SFI1: variants seen among roughly 807,000 people sequenced by gnomAD.
SFI1 encodes protein SFI1 homolog.
Under a neutral mutation model 207.5 loss-of-function variants are expected in SFI1, and 195 were observed. The ratio of observed to expected loss-of-function variants is 0.94; its 90% CI spans 0.84 to 1.06. The LOEUF is 1.06. Among genes scored for constraint, SFI1 ranks in the 50% least tolerant of loss-of-function variants. The pLI is 0.00. For missense variants in SFI1, 1,634 were observed against 1,588.0 expected (o/e 1.03, Z -0.49); for synonymous variants, 630 against 598.9 (o/e 1.05, Z -0.76).
chr22:31,549,195 G>GA (rs1216583853), intron 5 of SFI1, among the ~76,000 whole-genome samples: 1 of 149,338 alleles, frequency 6.7e-6, no homozygotes, highest in Non-Finnish European at 1.5e-5. Flanking sequence ...GCCAAGGTGG[G>GA]AGGAGTACCT....
chr22:31,523,679 G>A (rs1265071949), intron 2 of SFI1, among the ~76,000 whole-genome samples: 1 of 152,002 alleles, frequency 6.6e-6, no homozygotes, highest in Non-Finnish European at 1.5e-5. Context: ...CTTCAAATCT[G>A]TGAAGTCCAT....
At chr22:31,560,981 G>T (rs1388618568) in intron 7 of SFI1, among the ~76,000 whole-genome samples, 1 of 152,120 alleles carries the variant, frequency 6.6e-6, no homozygotes, top group Non-Finnish European at 1.5e-5. Flanking sequence ...GTGATTACAG[G>T]TGTAAGCCAC....
chr22:31,501,857 G>A (rs995892527), intron 1 of SFI1, among the ~76,000 whole-genome samples: 1 of 152,174 alleles, frequency 6.6e-6, no homozygotes, highest in African/African-American at 2.4e-5. Flanking sequence ...CATTCCTCAT[G>A]CCTATGTGGG....
At position 31,602,857 on chromosome 22, in the gene SFI1, G is replaced by A. The variant is rs1423869338; in HGVS notation, c.1805+72G>A. The A allele has an allele frequency of 3.3e-6, 5 of 1,514,390 alleles. No homozygotes were observed. In the East Asian group the frequency reaches 9.1e-5, roughly 28 times the overall value. 93.8% of individuals were successfully genotyped at this position (1,514,390 alleles called of 1,614,324 possible). A position where few individuals can be genotyped will look rare whatever the true frequency, so the allele number is the denominator to read the frequency against. ...TTTGCTTGTTCTAGCAGCACCATGA[G>A]CTCCAAGTGCCTGTCTGGAGGACTG... On this transcript the variant is annotated intron_variant, in intron 17 of 32. Coordinates refer to ENST00000400288, the MANE Select transcript of SFI1 (RefSeq NM_001007467.3).
At chr22:31,541,220 C>A (rs2059455772) in intron 4 of SFI1, among the ~76,000 whole-genome samples, 2 of 152,002 alleles carry the variant, frequency 1.3e-5, no homozygotes, top group Admixed American at 6.6e-5. Context: ...CCCTTCTCCC[C>A]CTACAAGAAG....
At chr22:31,565,846 T>A (rs1298782201) in intron 8 of SFI1, among the ~76,000 whole-genome samples, 2 of 152,158 alleles carry the variant, frequency 1.3e-5, no homozygotes, top group Non-Finnish European at 2.9e-5. Flanking sequence ...CTTCCTTTTT[T>A]AAAATAGAGA....
intron 2 of SFI1, among the ~76,000 whole-genome samples, chr22:31,511,464 G>GTTTTTTTTTTTTTTTTTTT (rs758898165): frequency 8.7e-6 from 1 of 114,558 alleles, no homozygotes. Flanking sequence ...CATAGTTTCT[G>GTTTTTTTTTTTTTTTTTTT]TTTTTTTTTT....
intron 2 of SFI1, among the ~76,000 whole-genome samples, chr22:31,515,648 GTACTGGGA>G (rs1315569566): frequency 2.0e-5 from 3 of 151,716 alleles, no homozygotes; most frequent in Admixed American, 6.6e-5. Context: ...CCCTCCCAAA[GTACTGGGA>G]TTATAGGCAT....
At chr22:31,612,942 A>T in intron 24 of SFI1, 200 bp from the exon 25 acceptor site, 1 of 578,434 alleles carries the variant, frequency 1.7e-6, no homozygotes, top group South Asian at 2.3e-5. Flanking sequence ...ACCTTCTTTC[A>T]TGAAGGTCAT....
intron 29 of SFI1, chr22:31,616,103 A>C (rs2071388769): frequency 6.6e-6 from 1 of 151,670 alleles, no homozygotes; most frequent in African/African-American, 2.4e-5. Flanking sequence ...CCAAGCAGGG[A>C]GCCTGGGTGG....
At chr22:31,581,022 T>G (rs2064097281) in intron 12 of SFI1, among the ~76,000 whole-genome samples, 1 of 152,066 alleles carries the variant, frequency 6.6e-6, no homozygotes, top group Non-Finnish European at 1.5e-5. Context: ...TTTACTTATT[T>G]AGAGGCAGGG....
rs750249558 is a variant in SFI1 at position 31,604,349 on chromosome 22, G to A, written c.1922G>A (p.Arg641Gln). 7 of 1,579,700 alleles carry A rather than the reference G, an allele frequency of 4.4e-6. No individual in the cohort carries two copies. The highest frequency in any genetic ancestry group is 2.3e-5 in the South Asian group (2 of 86,506). Residue 641 changes from arginine (R) to glutamine (Q), a missense_variant, in exon 19 of 33, where the codon CGA becomes CAA. Physicochemically the swap from Arg to Gln is conservative, Grantham distance 43 (BLOSUM62 1). Coordinates refer to ENST00000400288, the MANE Select transcript of SFI1 (RefSeq NM_001007467.3). ...GGAGCGGAGCGGCAGAAGCTGATGCGAGCAGACCTGCACCACCAGCACAGC... is the reference window on the plus strand; with the variant it reads ...GGAGCGGAGCGGCAGAAGCTGATGCAAGCAGACCTGCACCACCAGCACAGC... Reference protein sequence around the residue: ...LRGAERQKLMRADLHHQHSVL... With the variant: ...LRGAERQKLMQADLHHQHSVL...
chr22:31,618,502 ATTTTT>A lies in SFI1; in HGVS notation c.*88_*92del. The A allele has an allele frequency of 7.8e-7, 1 of 1,280,876 alleles. No homozygotes were observed. The highest frequency in any genetic ancestry group is 1.5e-5 in the African/African-American group (1 of 66,432). The allele number at this position is 1,280,876 out of a possible 1,614,324, so 79.3% of individuals were successfully genotyped here. On this transcript the variant is annotated 3_prime_UTR_variant, in exon 33 of 33. Coordinates refer to ENST00000400288, the MANE Select transcript of SFI1 (RefSeq NM_001007467.3). ...GGAACAGAACACAGTTTTAAGTTTG[ATTTTT>A]TTTATTTCAAAATGCTTTGCAATTA... is the stretch of plus-strand genomic sequence containing the variant.
intron 4 of SFI1, 99 bp from the exon 5 acceptor site, chr22:31,546,762 C>G: frequency 1.3e-6 from 1 of 762,314 alleles, no homozygotes; most frequent in Non-Finnish European, 2.0e-6. Context: ...CCACCACGCC[C>G]GGCTGTACTT....
At chr22:31,602,115 T>C in intron 15 of SFI1, 97 bp from the exon 16 acceptor site, 2 of 1,029,032 alleles carry the variant, frequency 1.9e-6, no homozygotes, top group Non-Finnish European at 3.0e-6. Context: ...GATAGCATGG[T>C]ATAAAAGGAA....
At chr22:31,612,848 C>CT (rs2070604497) in intron 24 of SFI1, 5 of 432,554 alleles carry the variant, frequency 1.2e-5, no homozygotes, top group Non-Finnish European at 2.1e-5. Context: ...CCAGCTCCCT[C>CT]TTCCCGTTCT....
chr22:31,516,964 A>G (rs1266590926), intron 2 of SFI1, among the ~76,000 whole-genome samples: 1 of 150,842 alleles, frequency 6.6e-6, no homozygotes, highest in Non-Finnish European at 1.5e-5. Context: ...CAAATAAACA[A>G]ACAAATAAAT....
At position 31,607,064 on chromosome 22, in the gene SFI1, A is replaced by AAAAAGAAAAG. The variant is rs372043303; in HGVS notation, c.2157+644_2157+653dup. ...GACAACAGAGCAAGGTTGTCTCAAA[A>AAAAAGAAAAG]AAAAGAAAAGAAAAGAAAAAATACC... On this transcript the variant is annotated intron_variant, in intron 21 of 32. Coordinates refer to ENST00000400288, the MANE Select transcript of SFI1 (RefSeq NM_001007467.3). Among the ~76,000 whole-genome samples, 3 of 152,012 alleles carry AAAAAGAAAAG rather than the reference A, an allele frequency of 2.0e-5. No homozygotes were observed. The South Asian group carries it at 6.2e-4, about 32-fold the overall frequency.
intron 22 of SFI1, among the ~76,000 whole-genome samples, chr22:31,610,044 G>C (rs1435546149): frequency 6.6e-6 from 1 of 152,208 alleles, no homozygotes; most frequent in Non-Finnish European, 1.5e-5. Context: ...GGTATGAGAG[G>C]CTTGGGAGAC....
Sources: allele counts gnomAD v4.1 joint callset (sites outside exome capture counted in the v4.1 genomes callset), GRCh38; gene constraint gnomAD v4.1.1; transcripts MANE v1.5; gene names NCBI Gene and HGNC (gene_info 2026-07-23, HGNC 2026-07-21).